Variants in SRCIN1 observed in about 807,000 individuals in gnomAD.
SRCIN1 encodes the protein P130Cas-associated protein.
A neutral mutation model predicts 116.2 loss-of-function variants in SRCIN1; 50 were observed. The observed-to-expected ratio is 0.43, with a 90% CI of 0.34 to 0.54. The LOEUF is 0.54. Among genes scored for constraint, SRCIN1 ranks in the 20% least tolerant of loss-of-function variants. SRCIN1 has a pLI of 0.02. For missense variants in SRCIN1, 1,446 were observed against 1,672.0 expected (o/e 0.86, Z 2.36); for synonymous variants, 736 against 750.0 (o/e 0.98, Z 0.30).
intron 3 of SRCIN1, among the ~76,000 whole-genome samples, chr17:38,565,422 A>G (rs755682546): frequency 2.0e-5 from 3 of 152,230 alleles, no homozygotes; most frequent in African/African-American, 4.8e-5. Flanking sequence ...TTTTTGTAAA[A>G]CAAATTGTCT....
At position 38,530,106 on chromosome 17, in the gene SRCIN1, C is replaced by G. The variant is rs571553181; in HGVS notation, c.*3191G>C. 1.3e-5 allele frequency: 2 copies of G among 152,042 alleles called. No individual in the cohort carries two copies. The highest frequency in any genetic ancestry group is 2.9e-5 in the Non-Finnish European group (2 of 67,996). 9.4% of individuals were successfully genotyped at this position (152,042 alleles called of 1,614,324 possible). ...ACTGAAAAGGAAAGAGAGCAGGGAG[C>G]GGGGGAGAAGAAAAAAGGACATTAA... On this transcript the variant is annotated 3_prime_UTR_variant, in exon 19 of 19. Coordinates refer to ENST00000617146, the MANE Select transcript of SRCIN1 (RefSeq NM_025248.3).
chr17:38,541,136 G>A (rs1416899441), intron 18 of SRCIN1: 4 of 152,054 alleles, frequency 2.6e-5, no homozygotes, highest in Admixed American at 1.3e-4. Flanking sequence ...CTACTCGGGA[G>A]GCTGAGACAG....
In SRCIN1 at chr17:38,559,617, G is replaced by T. The variant is rs1482230816; in HGVS notation, c.1993C>A (p.Arg665Ser). ...RGLQNSASDL[R>S]GQLQQLRKLQ... ...TTGCGCAACTGCTGGAGCTGGCCGC[G>T]CAAGTCACTGGCGCTGTTCTGCAGG... Residue 665 changes from arginine to serine, a missense_variant, in exon 10 of 19, where the codon CGC becomes AGC. Arg to Ser is a moderately radical substitution (Grantham distance 110). This residue lies in a region of SRCIN1 where 398 missense variants were observed against 385.6 expected (regional missense o/e 1.03). Transcript: ENST00000617146. 1.2e-6 allele frequency: 2 copies of T among 1,602,570 alleles called. No homozygotes were observed. The highest frequency in any genetic ancestry group is 2.2e-5 in the East Asian group (1 of 44,814).
intron 11 of SRCIN1, among the ~76,000 whole-genome samples, chr17:38,554,356 C>T (rs1905650559): frequency 6.6e-6 from 1 of 152,188 alleles, no homozygotes; most frequent in Admixed American, 6.5e-5. Context: ...TCTCATCTGG[C>T]TTCTGCTTAG....
At chr17:38,533,491 C>T in intron 18 of SRCIN1, 60 bp from the exon 19 acceptor site, 2 of 1,483,160 alleles carry the variant, frequency 1.3e-6, no homozygotes, top group East Asian at 2.4e-5. Flanking sequence ...CATGCTGGCC[C>T]CCAGCTGAAG....
Position 38,552,630 on chromosome 17 carries a change from G to A in SRCIN1, c.2333-36C>T. Reference sequence around the variant, plus strand: ...AGGAAGGCATGAGCTGGGGCCAGAGGGAGCACCACAGACTGGGAGGAGAGG... The same window carrying A: ...AGGAAGGCATGAGCTGGGGCCAGAGAGAGCACCACAGACTGGGAGGAGAGG... On this transcript the variant is annotated intron_variant, in intron 12 of 18. Coordinates refer to ENST00000617146, the MANE Select transcript of SRCIN1 (RefSeq NM_025248.3). This position sits in a 1 kb window ranked among gnomAD's most constrained non-coding sequence, Gnocchi z 5.3. 6.2e-7 allele frequency: 1 copy of A among 1,612,956 alleles called. No individual in the cohort carries two copies. The highest frequency in any genetic ancestry group is 2.2e-5 in the East Asian group (1 of 44,878).
At position 38,552,114 on chromosome 17, in the gene SRCIN1, C is replaced by T; in HGVS notation, c.2499G>A (p.Val833=). The change falls in exon 14 of 19, where the codon GTG becomes GTA. Residue 833 remains valine, a synonymous_variant. Transcript: ENST00000617146. The surrounding 1 kb of genome is among the most constrained non-coding windows in gnomAD (Gnocchi z 5.3). ...AQIRRQVDEG[V]WPPPNNLLSQ... is the part of the protein sequence containing the mutation. ...TCAGGAGATTGTTGGGGGGTGGCCA[C>T]ACACCCTCATCCACTTGCCTGGGGT... 1.2e-6 allele frequency: 2 copies of T among 1,612,260 alleles called. No individual in the cohort carries two copies. The highest frequency in any genetic ancestry group is 2.2e-5 in the South Asian group (2 of 90,982).
rs547365933 is a variant in SRCIN1, at chr17:38,552,992, C to T, written c.2202-137G>A. 2.1e-5 allele frequency: 29 copies of T among 1,359,782 alleles called. No individual in the cohort carries two copies. Among genetic ancestry groups the T allele is most frequent in the African/African-American group, 1.9e-4 (13 of 68,802 alleles). The allele number at this position is 1,359,782 out of a possible 1,614,324, so 84.2% of individuals were successfully genotyped here. A position where few individuals can be genotyped will look rare whatever the true frequency, so the allele number is the denominator to read the frequency against. ...GCAGGAGGCTGGGCACCGTGGCTCA[C>T]GCCCGTAATCTCAGTACTTTGGGAG... On this transcript the variant is annotated intron_variant, in intron 11 of 18. Transcript: ENST00000617146. This position sits in a 1 kb window ranked among gnomAD's most constrained non-coding sequence, Gnocchi z 5.3.
rs763552342 is a variant in SRCIN1, at chr17:38,561,498, G to A, written c.1665C>T (p.Phe555=). Residue 555 remains phenylalanine (F), a synonymous_variant, in exon 7 of 19, where the codon TTC becomes TTT. Coordinates refer to ENST00000617146, the MANE Select transcript of SRCIN1 (RefSeq NM_025248.3). ...PGPGERSLVG[F]GPPVPAKDTE... ...TGTCCTTGGCTGGCACTGGCGGCCC[G>A]AACCCAACCAGCGAGCGTTCCCCAG... is the stretch of plus-strand genomic sequence containing the variant. 97 of 1,594,378 alleles carry A rather than the reference G, an allele frequency of 6.1e-5. No individual in the cohort carries two copies. The highest frequency in any genetic ancestry group is 8.2e-5 in the Non-Finnish European group (96 of 1,177,182).
chr17:38,565,181 C>CG (rs1906602520), intron 3 of SRCIN1, among the ~76,000 whole-genome samples: 1 of 152,144 alleles, frequency 6.6e-6, no homozygotes, highest in African/African-American at 2.4e-5. Flanking sequence ...TGATTTCAAC[C>CG]GTACTTTAAG....
chr17:38,583,548 GTTT>G (rs10691272), intron 1 of SRCIN1, among the ~76,000 whole-genome samples: 7 of 104,270 alleles, frequency 6.7e-5, no homozygotes, highest in Non-Finnish European at 9.9e-5. Flanking sequence ...TTCATTTTCT[GTTT>G]TTTTTTTTTT....
In SRCIN1 at chr17:38,558,381, G is replaced by T. The variant is rs1905951199; in HGVS notation, c.2047C>A (p.Arg683Ser). ...KLQLQNQESVRALLKRTEAEL... is the reference protein window; with the variant it reads ...KLQLQNQESVSALLKRTEAEL... ...GCCTCCGTGCGCTTCAGCAGCGCGC[G>T]CACCGACTCCTGGTTCTGTAGCTGC... The change falls in exon 11 of 19, where the codon CGC (arginine) becomes AGC (serine). Residue 683 changes from arginine to serine, a missense_variant. This residue lies in a region of SRCIN1 where 398 missense variants were observed against 385.6 expected (regional missense o/e 1.03). Coordinates refer to ENST00000617146, the MANE Select transcript of SRCIN1 (RefSeq NM_025248.3). This position sits in a 1 kb window ranked among gnomAD's most constrained non-coding sequence, Gnocchi z 4.6. 10 of 1,603,802 alleles carry T rather than the reference G, an allele frequency of 6.2e-6. No homozygotes were observed. The highest frequency in any genetic ancestry group is 8.5e-6 in the Non-Finnish European group (10 of 1,178,864).
In SRCIN1 at chr17:38,601,996, C is replaced by A. The variant is rs568313201; in HGVS notation, c.22+3688G>T. Among the ~76,000 whole-genome samples the A allele has an allele frequency of 5.9e-5, 9 of 151,944 alleles. No individual in the cohort carries two copies. In the South Asian group the frequency reaches 1.7e-3, roughly 28 times the overall value. ...GAGCGGGAGGGGAGGAATGGGAAGA[C>A]GGAAAGGCACAGAGGAGAGATGGGG... On this transcript the variant is annotated intron_variant, in intron 1 of 18. Transcript: ENST00000617146.
intron 2 of SRCIN1, 30 bp downstream of exon 2, chr17:38,578,460 A>G: frequency 2.0e-6 from 3 of 1,511,864 alleles, no homozygotes; most frequent in South Asian, 1.2e-5. Flanking sequence ...CCGCGGCCGC[A>G]GCCGCAGCCG....
At chr17:38,566,838 G>GTGTTTTGTTTTGTTTTGTTTTGTTT (rs71138632) in intron 3 of SRCIN1, among the ~76,000 whole-genome samples, 2 of 147,484 alleles carry the variant, frequency 1.4e-5, no homozygotes, top group African/African-American at 5.0e-5. Context: ...GCATCCTCTC[G>GTGTTTTGTTTTGTTTTGTTTTGTTT]TGTTTTGTTT....
intron 15 of SRCIN1, among the ~76,000 whole-genome samples, chr17:38,550,919 G>T (rs1319799209): frequency 6.6e-6 from 1 of 152,266 alleles, no homozygotes; most frequent in African/African-American, 2.4e-5. Context: ...TCCCTGCCTG[G>T]TCCTCTCAGT....
At chr17:38,554,054 T>C (rs890897987) in intron 11 of SRCIN1, among the ~76,000 whole-genome samples, 6 of 152,086 alleles carry the variant, frequency 3.9e-5, no homozygotes, top group African/African-American at 1.2e-4. Flanking sequence ...TTACTAAATA[T>C]ACAAAAATTT....
chr17:38,569,655 G>A (rs558911626), intron 2 of SRCIN1, among the ~76,000 whole-genome samples: 2 of 152,056 alleles, frequency 1.3e-5, no homozygotes, highest in Non-Finnish European at 2.9e-5. Flanking sequence ...CAGCATTCAC[G>A]CTAGAAAACA....
At position 38,552,707 on chromosome 17, in the gene SRCIN1, C is replaced by G. The variant is rs751986798; in HGVS notation, c.2332+18G>C. 6.2e-7 allele frequency: 1 copy of G among 1,613,082 alleles called. No individual in the cohort carries two copies. Among genetic ancestry groups the G allele is most frequent in the Admixed American group, 1.7e-5 (1 of 59,848 alleles). The stretch of plus-strand genomic sequence containing the variant: ...CCCACCCTGAACAACGTGCTGCATT[C>G]GCAGGCCCCAGACCCACCCTTGAGC... On this transcript the variant is annotated intron_variant, in intron 12 of 18. Coordinates refer to ENST00000617146, the MANE Select transcript of SRCIN1 (RefSeq NM_025248.3). This position sits in a 1 kb window ranked among gnomAD's most constrained non-coding sequence, Gnocchi z 5.3.
Sources: gnomAD v4.1 joint callset for allele counts (sites outside exome capture counted in the v4.1 genomes callset) on GRCh38, gnomAD v4.1.1 for gene constraint, gnomAD v4.1.1 regional missense constraint, Gnocchi (gnomAD v3.1) non-coding constraint, MANE v1.5 for transcripts, NCBI Gene and HGNC (gene_info 2026-07-23, HGNC 2026-07-21) for gene names.